Variants in HERC4 observed in about 807,000 individuals in gnomAD.
HERC4 encodes HECT and RLD domain containing E3 ubiquitin protein ligase 4.
A neutral mutation model predicts 124.3 loss-of-function variants in HERC4; 28 were observed. The observed-to-expected ratio is 0.23, with a 90% CI of 0.17 to 0.31. The LOEUF (loss-of-function observed/expected upper bound fraction) is 0.31. Among genes scored for constraint, HERC4 ranks in the 10% least tolerant of loss-of-function variants. HERC4 has a pLI of 1.00. For missense variants in HERC4, 713 were observed against 1,229.3 expected, an observed-to-expected ratio of 0.58 and a Z score of 6.28; for synonymous variants, 407 against 421.5, an observed-to-expected ratio of 0.97 and a Z score of 0.42.
At chr10:67,963,559 A>T (rs567516110) in intron 16 of HERC4, among the ~76,000 whole-genome samples, 2 of 152,326 alleles carry the variant, frequency 1.3e-5, no homozygotes, top group African/African-American at 4.8e-5. Flanking sequence ...GAGTTCTTTT[A>T]AGAGCTAAAC....
chr10:67,934,536 T>C (rs1350217198), intron 22 of HERC4, among the ~76,000 whole-genome samples: 1 of 152,144 alleles, frequency 6.6e-6, no homozygotes, highest in Non-Finnish European at 1.5e-5. Flanking sequence ...TCTTCCTCTT[T>C]CTTGGTTTAA....
intron 21 of HERC4, among the ~76,000 whole-genome samples, chr10:67,937,383 G>A (rs560383703): frequency 6.6e-6 from 1 of 152,220 alleles, no homozygotes; most frequent in South Asian, 2.1e-4. Flanking sequence ...GAAAGAAATG[G>A]CAGTGGGAAG....
intron 2 of HERC4, among the ~76,000 whole-genome samples, 187 bp from the exon 3 acceptor site, chr10:68,073,373 T>G (rs1396130975): frequency 6.6e-6 from 1 of 152,148 alleles, no homozygotes; most frequent in East Asian, 1.9e-4. Flanking sequence ...ATACAGAAAT[T>G]TTTAGGGAAA....
intron 3 of HERC4, among the ~76,000 whole-genome samples, chr10:68,065,389 A>G (rs2041250086): frequency 6.6e-6 from 1 of 152,190 alleles, no homozygotes; most frequent in South Asian, 2.1e-4. Context: ...AGTAATTAAT[A>G]TATTTTCAAA....
At chr10:68,040,183 T>C (rs2039689496) in intron 4 of HERC4, 5 of 982,346 alleles carry the variant, frequency 5.1e-6, no homozygotes, top group Non-Finnish European at 6.0e-6. Flanking sequence ...TAAATTTGCA[T>C]AGCAATTTAT....
chr10:68,069,195 G>C, intron 3 of HERC4: 2 of 962,164 alleles, frequency 2.1e-6, no homozygotes, highest in Non-Finnish European at 2.5e-6. Context: ...AAAATCTTCA[G>C]AACTGAATTT....
chr10:68,046,498 T>C (rs1284715028), intron 3 of HERC4, among the ~76,000 whole-genome samples: 1 of 152,202 alleles, frequency 6.6e-6, no homozygotes, highest in Non-Finnish European at 1.5e-5. Flanking sequence ...ATTAAACAGT[T>C]GTATTGTACA....
chr10:67,989,450 C>T lies in HERC4; in HGVS notation c.1634-615G>A, dbSNP rs935476889. On this transcript the variant is annotated intron_variant, in intron 14 of 24. Coordinates refer to ENST00000373700, the MANE Select transcript of HERC4 (RefSeq NM_015601.4). ...AACTTCTGACAACAGGAAAGCAATA[C>T]TCTTTTCAGTCCCTGCTTGACTCTT... Among the ~76,000 whole-genome samples the T allele has an allele frequency of 2.6e-5, 4 of 151,972 alleles. 1 individual carries two copies. Among genetic ancestry groups the T allele is most frequent in the Admixed American group, 2.0e-4 (3 of 15,250 alleles).
intron 21 of HERC4, among the ~76,000 whole-genome samples, chr10:67,937,091 G>A (rs765990167): frequency 1.1e-4 from 17 of 152,162 alleles, no homozygotes; most frequent in Non-Finnish European, 2.1e-4. Flanking sequence ...AGTAGGGGTA[G>A]TATTTTGAAA....
chr10:68,012,804 T>G (rs1564546184), intron 9 of HERC4, among the ~76,000 whole-genome samples: 1 of 152,186 alleles, frequency 6.6e-6, no homozygotes, highest in African/African-American at 2.4e-5. Flanking sequence ...TTTGTAAAAA[T>G]TCAGTATCAA....
intron 8 of HERC4, among the ~76,000 whole-genome samples, chr10:68,020,982 T>C (rs2038588801): frequency 6.6e-6 from 1 of 151,952 alleles, no homozygotes; most frequent in South Asian, 2.1e-4. Flanking sequence ...CAGACCAACA[T>C]AAGCACTGTA....
chr10:68,010,725 G>A lies in HERC4; in HGVS notation c.1069+3301C>T, dbSNP rs114486768. 3.2e-3 allele frequency: 4,701 copies of A among 1,488,092 alleles called. 133 individuals carry two copies. In the African/African-American group the frequency reaches 0.057, roughly 18 times the overall value. The allele number at this position is 1,488,092 out of a possible 1,614,324, so 92.2% of individuals were successfully genotyped here. The stretch of plus-strand genomic sequence containing the variant: ...AAGCTAAGCTGTTGAGCCTCAAAGA[G>A]GCAGATGGTCGTTTGGCTGAACATA... On this transcript the variant is annotated intron_variant, in intron 9 of 24. Coordinates refer to ENST00000373700, the MANE Select transcript of HERC4 (RefSeq NM_015601.4).
rs752370451 is a variant in HERC4, at chr10:67,956,958, T to C, written c.1945A>G (p.Thr649Ala). The stretch of plus-strand genomic sequence containing the variant: ...AATACAAATGGATATGTACAGATTG[T>C]AACAGGGATATCTGCCAACTGGAAA... The part of the protein sequence containing the change: ...AYGMLADIPV[T>A]ICTYPFVFDA... The change falls in exon 17 of 25, where the codon ACA (threonine) becomes GCA (alanine). Residue 649 changes from threonine (T) to alanine (A), a missense_variant. Thr to Ala is a moderately conservative substitution (Grantham distance 58). Transcript: ENST00000373700. 1.3e-6 allele frequency: 2 copies of C among 1,583,180 alleles called. No homozygotes were observed. Among genetic ancestry groups the C allele is most frequent in the Non-Finnish European group, 1.7e-6 (2 of 1,165,572 alleles).
intron 9 of HERC4, chr10:68,007,702 CTT>C (rs200480292): frequency 3.4e-5 from 5 of 145,246 alleles, no homozygotes; most frequent in Admixed American, 6.9e-5. Context: ...CCCAGTAACA[CTT>C]TTTTTTTTTT....
intron 19 of HERC4, among the ~76,000 whole-genome samples, chr10:67,953,975 T>C (rs2033979095): frequency 6.6e-6 from 1 of 152,194 alleles, no homozygotes. Flanking sequence ...AGCTATTCTA[T>C]CTAAATTTCT....
intron 19 of HERC4, among the ~76,000 whole-genome samples, chr10:67,942,166 TA>T: frequency 6.6e-6 from 1 of 152,328 alleles, no homozygotes; most frequent in South Asian, 2.1e-4. Flanking sequence ...ATAAATGTTT[TA>T]AATAAGACGT....
At chr10:67,955,176 G>C in intron 17 of HERC4, 46 bp from the exon 18 acceptor site, 1 of 1,525,348 alleles carries the variant, frequency 6.6e-7, no homozygotes, top group South Asian at 1.2e-5. Flanking sequence ...CTACAATAAA[G>C]CTACTGTGAC....
intron 7 of HERC4, among the ~76,000 whole-genome samples, chr10:68,028,606 T>C (rs113840993): frequency 0.061 from 9,309 of 152,256 alleles, 415 homozygotes; most frequent in Non-Finnish European, 0.09. Context: ...GTCCAGATTA[T>C]ACATGGTTCA....
chr10:67,949,220 G>T (rs1475087092), intron 19 of HERC4, among the ~76,000 whole-genome samples: 3 of 152,024 alleles, frequency 2.0e-5, no homozygotes, highest in African/African-American at 7.2e-5. Flanking sequence ...GGAGGCGGAG[G>T]TTGCAGTGAG....
Sources: allele counts gnomAD v4.1 joint callset (sites outside exome capture counted in the v4.1 genomes callset), GRCh38; gene constraint gnomAD v4.1.1; transcripts MANE v1.5; gene names NCBI Gene and HGNC (gene_info 2026-07-23, HGNC 2026-07-21).